The following F13A1 variants were observed in gnomAD, a reference collection of about 807,000 sequenced individuals.
F13A1 encodes coagulation factor XIII A chain.
F13A1 carries 47 observed loss-of-function variants against 80.1 expected under a neutral mutation model. The observed-to-expected ratio is 0.59, with a 90% CI of 0.46 to 0.75. F13A1 has a LOEUF of 0.75. F13A1 is among the 30% of genes least tolerant of loss of function. The pLI is 0.00. For missense variants in F13A1, 817 were observed against 930.4 expected, an observed-to-expected ratio of 0.88 and a Z score of 1.59; for synonymous variants, 349 against 344.9, an observed-to-expected ratio of 1.01 and a Z score of -0.13.
intron 3 of F13A1, among the ~76,000 whole-genome samples, chr6:6,288,941 G>A (rs1016222538): frequency 3.9e-5 from 6 of 152,104 alleles, no homozygotes; most frequent in Admixed American, 3.3e-4. Flanking sequence ...TGGCCATTTT[G>A]GTGTCTTCTT....
intron 3 of F13A1, among the ~76,000 whole-genome samples, chr6:6,289,829 A>G (rs1270533873): frequency 6.7e-6 from 1 of 149,700 alleles, no homozygotes; most frequent in Non-Finnish European, 1.5e-5. Context: ...TTTTTTTTCT[A>G]GAATGTATAC....
At chr6:6,292,957 A>G (rs1385672808) in intron 3 of F13A1, among the ~76,000 whole-genome samples, 1 of 152,228 alleles carries the variant, frequency 6.6e-6, no homozygotes, top group African/African-American at 2.4e-5. Flanking sequence ...AATGAAACAT[A>G]AACGATTGCC....
intron 2 of F13A1, among the ~76,000 whole-genome samples, chr6:6,313,280 C>CTTTTTTTTTT (rs5874027): frequency 3.2e-5 from 4 of 126,748 alleles, no homozygotes; most frequent in African/African-American, 9.1e-5. Flanking sequence ...GCTAAGCCGC[C>CTTTTTTTTTT]TTTTTTTTTT....
intron 8 of F13A1, among the ~76,000 whole-genome samples, chr6:6,212,874 T>G (rs1170649364): frequency 6.6e-6 from 1 of 151,434 alleles, no homozygotes; most frequent in Non-Finnish European, 1.5e-5. Context: ...GAGAACTAAG[T>G]GAAGAATGCA....
chr6:6,236,206 TATTC>T (rs749623176), intron 6 of F13A1, among the ~76,000 whole-genome samples: 5 of 152,148 alleles, frequency 3.3e-5, no homozygotes, highest in Non-Finnish European at 5.9e-5. Flanking sequence ...GCAATGGATA[TATTC>T]ATTATTTTGA....
intron 12 of F13A1, among the ~76,000 whole-genome samples, chr6:6,171,528 C>A (rs1294413200): frequency 6.6e-6 from 1 of 152,072 alleles, no homozygotes; most frequent in Non-Finnish European, 1.5e-5. Flanking sequence ...GTTCTCGCTG[C>A]TTCCATCACT....
intron 3 of F13A1, among the ~76,000 whole-genome samples, chr6:6,280,598 A>G: frequency 6.6e-6 from 1 of 152,136 alleles, no homozygotes; most frequent in East Asian, 1.9e-4. Flanking sequence ...ACATAGATAA[A>G]CAATACAGGA....
chr6:6,275,010 G>C (rs1583105710), intron 3 of F13A1, among the ~76,000 whole-genome samples: 1 of 152,216 alleles, frequency 6.6e-6, no homozygotes, highest in Non-Finnish European at 1.5e-5. Context: ...TGTGTCCTAG[G>C]GAGGGGATGG....
intron 2 of F13A1, among the ~76,000 whole-genome samples, chr6:6,306,664 G>C (rs1377680240): frequency 6.6e-6 from 1 of 152,234 alleles, no homozygotes; most frequent in Non-Finnish European, 1.5e-5. Context: ...GGGAGAAGGT[G>C]GGGTGGGAGG....
At chr6:6,222,273 GA>G in intron 7 of F13A1, 102 bp from the exon 8 acceptor site, 1 of 1,477,440 alleles carries the variant, frequency 6.8e-7, no homozygotes. Context: ...GACCCAACAT[GA>G]AAAGCCCTTT....
chr6:6,149,012 T>C (rs1463938317), intron 14 of F13A1, among the ~76,000 whole-genome samples: 1 of 151,480 alleles, frequency 6.6e-6, no homozygotes, highest in African/African-American at 2.4e-5. Flanking sequence ...AAAATTATTA[T>C]ACCATAGAAG....
chr6:6,165,642 G>A (rs1039323324), intron 13 of F13A1, among the ~76,000 whole-genome samples: 1 of 152,176 alleles, frequency 6.6e-6, no homozygotes, highest in African/African-American at 2.4e-5. Flanking sequence ...CCAAGCAGCT[G>A]GGACAGGCCT....
At position 6,250,780 on chromosome 6, in the gene F13A1, C is replaced by G. The variant is rs371323767; in HGVS notation, c.690+31G>C. ...GACAAAAAATATGAAGTAAAAATGT[C>G]CTTGACAATAACAAATTTTAAGTGG... On this transcript the variant is annotated intron_variant, in intron 5 of 14. Transcript: ENST00000264870. This position sits in a 1 kb window ranked among gnomAD's most constrained non-coding sequence, Gnocchi z 4.2. 3.5e-6 allele frequency: 5 copies of G among 1,423,306 alleles called. No individual in the cohort carries two copies. Among genetic ancestry groups the G allele is most frequent in the African/African-American group, 1.4e-5 (1 of 71,250 alleles). 88.2% of individuals were successfully genotyped at this position (1,423,306 alleles called of 1,614,324 possible).
chr6:6,290,653 A>G (rs1050196935), intron 3 of F13A1, among the ~76,000 whole-genome samples: 3 of 152,210 alleles, frequency 2.0e-5, no homozygotes, highest in Admixed American at 6.5e-5. Flanking sequence ...ATCTCACATG[A>G]CAGGTGTTCA....
chr6:6,317,744 C>A (rs780236101), intron 2 of F13A1, among the ~76,000 whole-genome samples: 18 of 152,234 alleles, frequency 1.2e-4, no homozygotes, highest in Non-Finnish European at 2.5e-4. Flanking sequence ...GCACAGAACA[C>A]CCTTAGGAGT....
intron 7 of F13A1, 46 bp from the exon 8 acceptor site, chr6:6,222,217 A>T (rs1363275698): frequency 6.2e-7 from 1 of 1,612,684 alleles, no homozygotes; most frequent in Non-Finnish European, 8.5e-7. Context: ...CCAGCATTTA[A>T]TAAACACAGA....
Position 6,266,223 on chromosome 6 carries a change from C to T in F13A1, c.571+335G>A, listed in dbSNP as rs143923809. ...TTCAAAAAGAGATGTATTGGAAATACATGAGCTTGTTTTTTTTCTTTTTTC... is the reference window on the plus strand; with the variant it reads ...TTCAAAAAGAGATGTATTGGAAATATATGAGCTTGTTTTTTTTCTTTTTTC... On this transcript the variant is annotated intron_variant, in intron 4 of 14. Coordinates refer to ENST00000264870, the MANE Select transcript of F13A1 (RefSeq NM_000129.4). Among the ~76,000 whole-genome samples the T allele has an allele frequency of 3.3e-5, 5 of 152,160 alleles. No individual in the cohort carries two copies. The East Asian group carries it at 7.7e-4, about 23-fold the overall frequency.
rs201959138 is a variant in F13A1, at chr6:6,158,918, T to C, written c.1909-6969A>G. 5.0e-4 allele frequency among the ~76,000 whole-genome samples: 74 copies of C among 146,764 alleles called. 1 individual carries two copies. The highest frequency in any genetic ancestry group is 5.1e-4 in the African/African-American group (20 of 39,460). ...CTTTTTTTCTTTCTTTTTTTTTTTTTCGAGACGGAGTCTTGCTCTGTTGCC... is the reference window on the plus strand; with the variant it reads ...CTTTTTTTCTTTCTTTTTTTTTTTTCCGAGACGGAGTCTTGCTCTGTTGCC... On this transcript the variant is annotated intron_variant, in intron 13 of 14. Coordinates refer to ENST00000264870, the MANE Select transcript of F13A1 (RefSeq NM_000129.4).
intron 3 of F13A1, among the ~76,000 whole-genome samples, chr6:6,280,205 C>T (rs1026535754): frequency 3.3e-5 from 5 of 152,042 alleles, no homozygotes; most frequent in Non-Finnish European, 7.4e-5. Context: ...CAGAGTGATA[C>T]CACTTAATCT....
Sources: gnomAD v4.1 joint callset for allele counts (sites outside exome capture counted in the v4.1 genomes callset) on GRCh38, gnomAD v4.1.1 for gene constraint, Gnocchi (gnomAD v3.1) non-coding constraint, MANE v1.5 for transcripts, NCBI Gene and HGNC (gene_info 2026-07-23, HGNC 2026-07-21) for gene names.